Variants in BCAS4 observed in about 807,000 individuals in gnomAD.
BCAS4 encodes the protein breast carcinoma-amplified sequence 4.
A neutral mutation model predicts 15.7 loss-of-function variants in BCAS4; 9 were observed. The ratio of observed to expected loss-of-function variants is 0.57; its 90% CI spans 0.34 to 1.00. The LOEUF is 1.00. Among genes scored for constraint, BCAS4 ranks in the 50% least tolerant of loss-of-function variants. The pLI, the probability that BCAS4 is intolerant of heterozygous loss-of-function variation, is 0.02. For missense variants in BCAS4, 225 were observed against 239.1 expected (o/e 0.94, Z 0.39); for synonymous variants, 101 against 99.5 (o/e 1.02, Z -0.09).
intron 4 of BCAS4, among the ~76,000 whole-genome samples, chr20:50,844,321 C>T (rs2088517821): frequency 1.3e-5 from 2 of 150,892 alleles, no homozygotes; most frequent in Non-Finnish European, 3.0e-5. Flanking sequence ...GTGGCCCTAG[C>T]TACTCAGGAG....
At chr20:50,856,780 T>A (rs1978780329) in intron 4 of BCAS4, among the ~76,000 whole-genome samples, 1 of 152,150 alleles carries the variant, frequency 6.6e-6, no homozygotes, top group South Asian at 2.1e-4. Flanking sequence ...TGGCCTCCTA[T>A]AAGCTCTCAC....
At chr20:50,863,762 G>A (rs6020802) in intron 4 of BCAS4, among the ~76,000 whole-genome samples, 23,372 of 152,158 alleles carry the variant, frequency 0.15, 2,372 homozygotes, top group African/African-American at 0.29. Context: ...GACTGCAGGC[G>A]TCTGGGCCTA....
chr20:50,802,311 C>T (rs2087937066), intron 1 of BCAS4, among the ~76,000 whole-genome samples: 1 of 152,190 alleles, frequency 6.6e-6, no homozygotes, highest in Non-Finnish European at 1.5e-5. Flanking sequence ...TCCAGGTGGA[C>T]AAGGACTGAG....
At chr20:50,803,342 A>G (rs963952755) in intron 1 of BCAS4, among the ~76,000 whole-genome samples, 2 of 152,214 alleles carry the variant, frequency 1.3e-5, no homozygotes, top group Admixed American at 6.5e-5. Flanking sequence ...GTGCTGAGTG[A>G]GAGGTGCAAG....
Position 50,825,329 on chromosome 20 carries a change from A to G in BCAS4, c.163-4950A>G, listed in dbSNP as rs79820625. On this transcript the variant is annotated intron_variant, in intron 2 of 4. Coordinates refer to ENST00000371608, the MANE Select transcript of BCAS4 (RefSeq NM_198799.4). Reference sequence around the variant, plus strand: ...ACTCCTGGCCTCAAGTGACCCTCTCACCTCGGCCTCTCAAAGAATTGGGAT... The same window carrying G: ...ACTCCTGGCCTCAAGTGACCCTCTCGCCTCGGCCTCTCAAAGAATTGGGAT... Among the ~76,000 whole-genome samples, 749 of 152,166 alleles carry G rather than the reference A, an allele frequency of 4.9e-3. 6 individuals are homozygous for G. Among genetic ancestry groups the G allele is most frequent in the African/African-American group, 0.017 (704 of 41,506 alleles).
chr20:50,875,395 G>C (rs559240485), intron 4 of BCAS4, among the ~76,000 whole-genome samples: 1 of 152,296 alleles, frequency 6.6e-6, no homozygotes, highest in South Asian at 2.1e-4. Context: ...TTCTTAAAAT[G>C]GTTTTGTTTT....
At chr20:50,860,367 G>A (rs1979006210) in intron 4 of BCAS4, among the ~76,000 whole-genome samples, 1 of 152,146 alleles carries the variant, frequency 6.6e-6, no homozygotes, top group African/African-American at 2.4e-5. Context: ...GCAGGGTCCC[G>A]CCAGGTCCCC....
chr20:50,796,487 ATTTTT>A (rs34988437), intron 1 of BCAS4, among the ~76,000 whole-genome samples: 18 of 6,736 alleles, frequency 2.7e-3, no homozygotes, highest in Admixed American at 7.6e-3. Context: ...ATATATATAT[ATTTTT>A]TTTTTTTTTT....
At chr20:50,807,625 A>C (rs116585433) in intron 1 of BCAS4, among the ~76,000 whole-genome samples, 6,223 of 152,332 alleles carry the variant, frequency 0.041, 427 homozygotes, top group African/African-American at 0.14. Flanking sequence ...AATAGAGTAC[A>C]TGGCACCCAA....
At chr20:50,836,971 G>T (rs1265924570) in intron 3 of BCAS4, among the ~76,000 whole-genome samples, 1 of 152,116 alleles carries the variant, frequency 6.6e-6, no homozygotes, top group African/African-American at 2.4e-5. Flanking sequence ...GCCTCTCAAA[G>T]TGCCAAGATT....
At chr20:50,833,387 G>T (rs2088367535) in intron 3 of BCAS4, among the ~76,000 whole-genome samples, 1 of 152,224 alleles carries the variant, frequency 6.6e-6, no homozygotes, top group African/African-American at 2.4e-5. Flanking sequence ...ACACACCCCA[G>T]AGCCAGGCTT....
intron 2 of BCAS4, among the ~76,000 whole-genome samples, chr20:50,826,372 C>T (rs551105900): frequency 3.3e-5 from 5 of 152,166 alleles, no homozygotes; most frequent in Admixed American, 6.5e-5. Flanking sequence ...AGGGAGCAGT[C>T]CCAGCCTTTG....
chr20:50,825,079 A>T (rs1250429377), intron 2 of BCAS4, among the ~76,000 whole-genome samples: 1 of 152,016 alleles, frequency 6.6e-6, no homozygotes, highest in African/African-American at 2.4e-5. Context: ...AGTTTCTCTG[A>T]GCCTCGGTTT....
At chr20:50,796,901 G>A (rs1017377742) in intron 1 of BCAS4, among the ~76,000 whole-genome samples, 2 of 151,282 alleles carry the variant, frequency 1.3e-5, no homozygotes, top group Admixed American at 6.6e-5. Flanking sequence ...CACAATCATA[G>A]CTCAATGTAG....
At chr20:50,819,379 C>A (rs954048465) in intron 2 of BCAS4, among the ~76,000 whole-genome samples, 2 of 152,060 alleles carry the variant, frequency 1.3e-5, no homozygotes, top group Non-Finnish European at 2.9e-5. Context: ...TGTGACCAGG[C>A]CCTGTGTCTC....
Position 50,830,384 on chromosome 20 carries a change from C to A in BCAS4, c.264+4C>A. ...TGCCAAAGTGGACCGGCTAGAGGTACGTCTAGGCAAACGAAGGTTCTGAGG... is the reference window on the plus strand; with the variant it reads ...TGCCAAAGTGGACCGGCTAGAGGTAAGTCTAGGCAAACGAAGGTTCTGAGG... On this transcript the variant is annotated splice_donor_region_variant and intron_variant, in intron 3 of 4. Transcript: ENST00000371608. 1.2e-6 allele frequency: 2 copies of A among 1,607,668 alleles called. No homozygotes were observed. The highest frequency in any genetic ancestry group is 2.2e-5 in the East Asian group (1 of 44,792).
At chr20:50,879,819 ACTTGCT>A (rs1980082678), downstream of BCAS4, 1 of 152,514 alleles carries the variant, frequency 6.6e-6, no homozygotes, top group Non-Finnish European at 1.5e-5. Context: ...TGGGCTTTTC[ACTTGCT>A]CTCTCTGAGT....
chr20:50,840,629 C>A, intron 3 of BCAS4: 1 of 1,605,610 alleles, frequency 6.2e-7, no homozygotes, highest in Non-Finnish European at 8.5e-7. Context: ...GATTCGCCTG[C>A]TTGCTTCTCC....
chr20:50,855,110 T>G (rs1241953545), intron 4 of BCAS4, among the ~76,000 whole-genome samples: 1 of 152,136 alleles, frequency 6.6e-6, no homozygotes, highest in Non-Finnish European at 1.5e-5. Flanking sequence ...CCTCTCCCAC[T>G]TCCTCCCATC....
Sources: allele counts gnomAD v4.1 joint callset (sites outside exome capture counted in the v4.1 genomes callset), GRCh38; gene constraint gnomAD v4.1.1; transcripts MANE v1.5; gene names NCBI Gene and HGNC (gene_info 2026-07-23, HGNC 2026-07-21).